GRM5: variants seen among roughly 807,000 people sequenced by gnomAD.
GRM5 encodes metabotropic glutamate receptor 5.
A neutral mutation model predicts 83.1 loss-of-function variants in GRM5; 19 were observed. The observed-to-expected ratio is 0.23, with a 90% CI of 0.16 to 0.34. GRM5 has a LOEUF of 0.34. GRM5 is among the 10% of genes least tolerant of loss of function. GRM5 has a pLI of 1.00. For missense variants in GRM5, 1,160 were observed against 1,588.3 expected, an observed-to-expected ratio of 0.73 and a Z score of 4.58; for synonymous variants, 675 against 633.6, an observed-to-expected ratio of 1.07 and a Z score of -0.98.
At chr11:88,987,190 C>A (rs1385573605) in intron 2 of GRM5, among the ~76,000 whole-genome samples, 1 of 152,114 alleles carries the variant, frequency 6.6e-6, no homozygotes, top group Non-Finnish European at 1.5e-5. Flanking sequence ...GGCATTGCCT[C>A]ACTCGGGAAG....
intron 3 of GRM5, among the ~76,000 whole-genome samples, chr11:88,759,355 G>T (rs1265666321): frequency 6.6e-6 from 1 of 151,974 alleles, no homozygotes; most frequent in Admixed American, 6.6e-5. Context: ...GACACACAAA[G>T]GTTCAAAATT....
At chr11:88,604,195 GA>G (rs907063259) in intron 5 of GRM5, among the ~76,000 whole-genome samples, 2 of 151,240 alleles carry the variant, frequency 1.3e-5, no homozygotes, top group Admixed American at 6.6e-5. Flanking sequence ...AAATTTCAGA[GA>G]AAAAAAACAA....
At chr11:88,888,951 T>C (rs1018918077) in intron 2 of GRM5, among the ~76,000 whole-genome samples, 5 of 152,320 alleles carry the variant, frequency 3.3e-5, no homozygotes, top group African/African-American at 9.6e-5. Flanking sequence ...CCTGTAACCA[T>C]GTGGCGAATA....
intron 2 of GRM5, among the ~76,000 whole-genome samples, chr11:88,898,432 C>G (rs1337237593): frequency 6.6e-6 from 1 of 151,910 alleles, no homozygotes; most frequent in Non-Finnish European, 1.5e-5. Flanking sequence ...ACCAAAACAC[C>G]AGTTTGCTTA....
chr11:88,524,284 A>G (rs1032414713), intron 9 of GRM5, among the ~76,000 whole-genome samples: 3 of 128,098 alleles, frequency 2.3e-5, no homozygotes, highest in Non-Finnish European at 4.6e-5. Flanking sequence ...ATGGCATGTT[A>G]TCAACTCACT....
intron 3 of GRM5, among the ~76,000 whole-genome samples, chr11:88,705,104 A>T (rs780741837): frequency 9.2e-5 from 14 of 152,118 alleles, no homozygotes; most frequent in Non-Finnish European, 1.8e-4. Flanking sequence ...TAAGACAGTT[A>T]ACACAATAAT....
chr11:88,590,519 A>G (rs1299329271), intron 7 of GRM5, 82 bp downstream of exon 7: 1 of 1,077,072 alleles, frequency 9.3e-7, no homozygotes, highest in Non-Finnish European at 1.4e-6. Context: ...AAGATGAGTA[A>G]CGCTTGGGGA....
chr11:88,991,457 A>G (rs1013445936), intron 2 of GRM5, among the ~76,000 whole-genome samples: 3 of 152,048 alleles, frequency 2.0e-5, no homozygotes, highest in African/African-American at 7.3e-5. Flanking sequence ...TTATAGATTC[A>G]ATGCCATCCC....
chr11:88,551,882 G>T (rs1467026827), intron 8 of GRM5, among the ~76,000 whole-genome samples: 4 of 152,132 alleles, frequency 2.6e-5, no homozygotes, highest in African/African-American at 9.7e-5. Flanking sequence ...TCATTGAATT[G>T]TAAAGGTATT....
chr11:88,988,984 T>A (rs1939856823), intron 2 of GRM5, among the ~76,000 whole-genome samples: 3 of 149,486 alleles, frequency 2.0e-5, no homozygotes, highest in Admixed American at 1.3e-4. Context: ...AACATCATAA[T>A]GACAGGATCA....
intron 3 of GRM5, among the ~76,000 whole-genome samples, chr11:88,736,006 G>C (rs909610507): frequency 6.6e-6 from 1 of 151,976 alleles, no homozygotes. Flanking sequence ...CAACACTTCT[G>C]AGCACTCTCG....
At chr11:88,926,409 C>A (rs919375134) in intron 2 of GRM5, among the ~76,000 whole-genome samples, 1 of 152,106 alleles carries the variant, frequency 6.6e-6, no homozygotes, top group Admixed American at 6.6e-5. Flanking sequence ...AAAATGATAG[C>A]CACAGATATC....
chr11:88,819,829 G>A (rs150583935), intron 3 of GRM5, among the ~76,000 whole-genome samples: 1 of 152,256 alleles, frequency 6.6e-6, no homozygotes, highest in East Asian at 1.9e-4. Context: ...CTTTCTTGCT[G>A]CTTTATCCCA....
chr11:89,017,371 T>C (rs1940883978), intron 2 of GRM5, among the ~76,000 whole-genome samples: 1 of 152,128 alleles, frequency 6.6e-6, no homozygotes, highest in Non-Finnish European at 1.5e-5. Context: ...TTCAACAAAA[T>C]TAAAAAACAA....
chr11:88,966,075 G>A (rs1938951302), intron 2 of GRM5, among the ~76,000 whole-genome samples: 1 of 151,988 alleles, frequency 6.6e-6, no homozygotes, highest in East Asian at 1.9e-4. Context: ...AATTTAAATA[G>A]AAAGAAATAA....
chr11:88,939,375 A>G (rs183063448), intron 2 of GRM5, among the ~76,000 whole-genome samples: 2 of 151,986 alleles, frequency 1.3e-5, no homozygotes, highest in East Asian at 3.9e-4. Context: ...AAACCCAAAC[A>G]TACCAGATGC....
intron 3 of GRM5, among the ~76,000 whole-genome samples, chr11:88,667,536 C>G (rs1430423700): frequency 6.6e-6 from 1 of 152,038 alleles, no homozygotes; most frequent in Non-Finnish European, 1.5e-5. Flanking sequence ...ATTAAACCCT[C>G]CAAAACTAGA....
chr11:88,649,931 C>T (rs755040204), intron 4 of GRM5, among the ~76,000 whole-genome samples: 1 of 151,660 alleles, frequency 6.6e-6, no homozygotes, highest in South Asian at 2.1e-4. Flanking sequence ...ATAACACAGT[C>T]CTGTGGTATA....
chr11:88,929,853 C>A (rs1446513634), intron 2 of GRM5, among the ~76,000 whole-genome samples: 2 of 152,132 alleles, frequency 1.3e-5, no homozygotes, highest in Non-Finnish European at 2.9e-5. Flanking sequence ...ATAAGTGATA[C>A]ATGTTTTATT....
Sources: gnomAD v4.1 joint callset for allele counts (sites outside exome capture counted in the v4.1 genomes callset) on GRCh38, gnomAD v4.1.1 for gene constraint, MANE v1.5 for transcripts, NCBI Gene and HGNC (gene_info 2026-07-23, HGNC 2026-07-21) for gene names.